Variants in ST6GAL1 observed in about 807,000 individuals in gnomAD.
ST6GAL1 encodes the protein ST6 beta-galactoside alpha-2,6-sialyltransferase 1, also known as beta-galactoside alpha-2,6-sialyltransferase 1.
Under a neutral mutation model 38.0 loss-of-function variants are expected in ST6GAL1, and 20 were observed. The ratio of observed to expected loss-of-function variants is 0.53; its 90% CI spans 0.37 to 0.77. The LOEUF (loss-of-function observed/expected upper bound fraction) is 0.77, where lower values mean the gene tolerates loss of function less well. Among genes scored for constraint, ST6GAL1 ranks in the 30% least tolerant of loss-of-function variants. The pLI is 0.00. For synonymous variants in ST6GAL1, 196 were observed against 188.2 expected (o/e 1.04, Z -0.34); for missense variants, 432 against 496.4 (o/e 0.87, Z 1.23).
At chr3:186,988,545 G>A (rs947989318) in intron 2 of ST6GAL1, among the ~76,000 whole-genome samples, 4 of 140,400 alleles carry the variant, frequency 2.8e-5, no homozygotes, top group East Asian at 2.1e-4. Flanking sequence ...GTTAAGCCAG[G>A]CTGTGTGTGT....
intron 1 of ST6GAL1, among the ~76,000 whole-genome samples, chr3:186,935,974 G>A (rs1039868249): frequency 1.4e-5 from 2 of 145,658 alleles, no homozygotes; most frequent in South Asian, 2.3e-4. Flanking sequence ...TGTATTTACC[G>A]ACAAACAGGT....
intron 2 of ST6GAL1, among the ~76,000 whole-genome samples, chr3:187,014,310 C>T (rs1717053430): frequency 6.6e-6 from 1 of 152,256 alleles, no homozygotes; most frequent in Non-Finnish European, 1.5e-5. Flanking sequence ...AGCACCATTC[C>T]TCCAAACTGA....
At chr3:187,019,770 C>T (rs1419563622) in intron 2 of ST6GAL1, among the ~76,000 whole-genome samples, 14 of 152,158 alleles carry the variant, frequency 9.2e-5, no homozygotes, top group Non-Finnish European at 1.8e-4. Context: ...GGGTGTCAAG[C>T]ACTCTAAGTC....
intron 4 of ST6GAL1, among the ~76,000 whole-genome samples, chr3:187,050,980 A>C (rs1447364512): frequency 6.6e-6 from 1 of 152,226 alleles, no homozygotes; most frequent in East Asian, 1.9e-4. Context: ...CTGTGTGCCC[A>C]GGCACAAGCG....
At position 186,989,386 on chromosome 3, in the gene ST6GAL1, GCT is replaced by G. The variant is rs1439442630; in HGVS notation, c.-183+25465_-183+25466del. ...AAAAACATTTCTTAATTAATATTTT[GCT>G]CTCTGCAGACAGGCTGTCTTGAAAG... On this transcript the variant is annotated intron_variant, in intron 2 of 7. Coordinates refer to ENST00000169298, the MANE Select transcript of ST6GAL1 (RefSeq NM_173216.2). 3.9e-5 allele frequency among the ~76,000 whole-genome samples: 6 copies of G among 152,298 alleles called. No individual in the cohort carries two copies. The East Asian group carries it at 1.2e-3, about 29-fold the overall frequency.
chr3:187,033,056 G>C (rs1417470525), intron 2 of ST6GAL1, among the ~76,000 whole-genome samples: 1 of 152,244 alleles, frequency 6.6e-6, no homozygotes, highest in Non-Finnish European at 1.5e-5. Flanking sequence ...CAAGGTTGAA[G>C]TGTATTTTTT....
At chr3:186,967,950 T>C (rs1292135568) in intron 2 of ST6GAL1, among the ~76,000 whole-genome samples, 1 of 152,198 alleles carries the variant, frequency 6.6e-6, no homozygotes, top group African/African-American at 2.4e-5. Flanking sequence ...TGGCTTTGGC[T>C]GTTGGAGGTA....
At chr3:186,956,251 C>G (rs1714746414) in intron 1 of ST6GAL1, among the ~76,000 whole-genome samples, 1 of 152,288 alleles carries the variant, frequency 6.6e-6, no homozygotes, top group Middle Eastern at 3.4e-3. Context: ...TTATCTGCAA[C>G]TTTCAAGTCC....
chr3:186,957,016 T>C (rs1714769229), intron 1 of ST6GAL1, among the ~76,000 whole-genome samples: 1 of 152,184 alleles, frequency 6.6e-6, no homozygotes, highest in Non-Finnish European at 1.5e-5. Flanking sequence ...AAAAGCAATG[T>C]GCAACAAAGA....
At chr3:186,980,487 C>T (rs1034341814) in intron 2 of ST6GAL1, among the ~76,000 whole-genome samples, 3 of 151,286 alleles carry the variant, frequency 2.0e-5, no homozygotes, top group East Asian at 1.9e-4. Flanking sequence ...CGGATGGGCG[C>T]GGTGGCTCAC....
chr3:187,010,748 T>C (rs1560161640), intron 2 of ST6GAL1, among the ~76,000 whole-genome samples: 1 of 152,196 alleles, frequency 6.6e-6, no homozygotes, highest in Non-Finnish European at 1.5e-5. Context: ...GAGCAATATC[T>C]GCAATTCCCA....
At chr3:186,978,639 T>G (rs1169171680) in intron 2 of ST6GAL1, among the ~76,000 whole-genome samples, 1 of 152,236 alleles carries the variant, frequency 6.6e-6, no homozygotes, top group African/African-American at 2.4e-5. Flanking sequence ...TCCTTTTTAG[T>G]GCTGGGAGCA....
intron 2 of ST6GAL1, among the ~76,000 whole-genome samples, chr3:186,997,313 T>C (rs567280547): frequency 6.6e-6 from 1 of 152,226 alleles, no homozygotes; most frequent in African/African-American, 2.4e-5. Context: ...CTCAGAGGGA[T>C]GAAATGACAT....
chr3:186,970,029 G>T (rs1579281729), intron 2 of ST6GAL1, among the ~76,000 whole-genome samples: 1 of 152,184 alleles, frequency 6.6e-6, no homozygotes, highest in East Asian at 1.9e-4. Flanking sequence ...AGATAGTACA[G>T]AGACTCCTGA....
chr3:187,051,472 A>AT, intron 5 of ST6GAL1, 126 bp downstream of exon 5: 1 of 771,864 alleles, frequency 1.3e-6, no homozygotes. Context: ...TGAGTTCCTG[A>AT]TTCCTCACTG....
chr3:186,958,104 G>A (rs1238071099), intron 1 of ST6GAL1, among the ~76,000 whole-genome samples: 1 of 151,778 alleles, frequency 6.6e-6, no homozygotes, highest in South Asian at 2.1e-4. Flanking sequence ...ACTGTGATGA[G>A]TTTTATAGTT....
At chr3:186,991,478 A>G (rs1281444770) in intron 2 of ST6GAL1, among the ~76,000 whole-genome samples, 4 of 152,126 alleles carry the variant, frequency 2.6e-5, no homozygotes, top group Non-Finnish European at 5.9e-5. Context: ...GGCTCCTGAT[A>G]CTAAATGACC....
chr3:186,955,557 C>T lies in ST6GAL1; in HGVS notation c.-324-8228C>T, dbSNP rs969066921. On this transcript the variant is annotated intron_variant, in intron 1 of 7. Coordinates refer to ENST00000169298, the MANE Select transcript of ST6GAL1 (RefSeq NM_173216.2). ...CACTCTTGTCACCCAGGCTGGAGTGCAGTGGTGTGATCTTGGCTTATTGCA... is the reference window on the plus strand; with the variant it reads ...CACTCTTGTCACCCAGGCTGGAGTGTAGTGGTGTGATCTTGGCTTATTGCA... 4.0e-5 allele frequency among the ~76,000 whole-genome samples: 6 copies of T among 151,816 alleles called. 1 individual carries two copies. The highest frequency in any genetic ancestry group is 3.9e-4 in the Admixed American group (6 of 15,228).
chr3:187,046,786 A>C (rs1718312079), intron 4 of ST6GAL1, among the ~76,000 whole-genome samples: 2 of 152,228 alleles, frequency 1.3e-5, no homozygotes. Context: ...GATAGTAAAT[A>C]GTTTTGGCTT....
Sources: allele counts gnomAD v4.1 joint callset (sites outside exome capture counted in the v4.1 genomes callset), GRCh38; gene constraint gnomAD v4.1.1; transcripts MANE v1.5; gene names NCBI Gene and HGNC (gene_info 2026-07-23, HGNC 2026-07-21).